KIAA0319L: variants seen among roughly 807,000 people sequenced by gnomAD.
KIAA0319L encodes KIAA0319 like.
KIAA0319L carries 55 observed loss-of-function variants against 120.1 expected under a neutral mutation model. That is an observed-to-expected ratio of 0.46 (90% CI 0.37 to 0.57). The LOEUF (loss-of-function observed/expected upper bound fraction) is 0.57. KIAA0319L is among the 20% of genes least tolerant of loss of function. The pLI is 0.00. For synonymous variants in KIAA0319L, 398 were observed against 471.9 expected (o/e 0.84, Z 2.03); for missense variants, 1,049 against 1,255.3 (o/e 0.84, Z 2.48).
At chr1:35,482,944 G>A (rs767314470) in intron 3 of KIAA0319L, among the ~76,000 whole-genome samples, 1 of 152,066 alleles carries the variant, frequency 6.6e-6, no homozygotes, top group Non-Finnish European at 1.5e-5. Context: ...TTAGCCATTC[G>A]AGGTATGTAG....
chr1:35,475,915 C>T (rs965925669), intron 4 of KIAA0319L, among the ~76,000 whole-genome samples: 6 of 152,216 alleles, frequency 3.9e-5, no homozygotes, highest in South Asian at 2.1e-4. Flanking sequence ...CACAAAGCCA[C>T]GGTCTACTCT....
intron 3 of KIAA0319L, among the ~76,000 whole-genome samples, chr1:35,480,021 T>C (rs1644098097): frequency 7.3e-6 from 1 of 137,346 alleles, no homozygotes; most frequent in Non-Finnish European, 1.5e-5. Flanking sequence ...AGAAAGAGTA[T>C]GGAAAAGAAT....
intron 3 of KIAA0319L, among the ~76,000 whole-genome samples, chr1:35,501,198 T>C (rs2148384912): frequency 6.6e-6 from 1 of 152,292 alleles, no homozygotes; most frequent in East Asian, 1.9e-4. Context: ...AGCCAACACA[T>C]CCTCAGGATC....
chr1:35,522,764 T>C (rs1442314182), intron 2 of KIAA0319L, among the ~76,000 whole-genome samples: 1 of 149,668 alleles, frequency 6.7e-6, no homozygotes, highest in Non-Finnish European at 1.5e-5. Flanking sequence ...ATGCCTGTAA[T>C]CCCAGCACTT....
intron 2 of KIAA0319L, among the ~76,000 whole-genome samples, chr1:35,533,737 A>G (rs1235817752): frequency 1.3e-5 from 2 of 152,250 alleles, no homozygotes; most frequent in Admixed American, 6.5e-5. Flanking sequence ...GTCTCAGCCA[A>G]GATGGCTGCC....
chr1:35,494,579 G>A (rs1338631923), intron 3 of KIAA0319L, among the ~76,000 whole-genome samples: 1 of 151,946 alleles, frequency 6.6e-6, no homozygotes, highest in Non-Finnish European at 1.5e-5. Context: ...TGGATTGCTT[G>A]AGTCCAGGAG....
At chr1:35,529,806 T>A (rs1307622205) in intron 2 of KIAA0319L, among the ~76,000 whole-genome samples, 1 of 152,190 alleles carries the variant, frequency 6.6e-6, no homozygotes, top group Non-Finnish European at 1.5e-5. Context: ...GTTGTATCTG[T>A]TTGGGAATCT....
intron 2 of KIAA0319L, among the ~76,000 whole-genome samples, chr1:35,550,852 C>A (rs1647174404): frequency 6.6e-6 from 1 of 152,060 alleles, no homozygotes; most frequent in African/African-American, 2.4e-5. Context: ...GAGACGTGTG[C>A]CACCACACCC....
chr1:35,455,741 C>T (rs1201461312), intron 10 of KIAA0319L, among the ~76,000 whole-genome samples: 4 of 151,790 alleles, frequency 2.6e-5, no homozygotes, highest in Admixed American at 6.6e-5. Flanking sequence ...CCACTACGCC[C>T]GGCTAATTTT....
At chr1:35,477,471 TC>T (rs1452518847) in intron 4 of KIAA0319L, among the ~76,000 whole-genome samples, 1 of 151,938 alleles carries the variant, frequency 6.6e-6, no homozygotes, top group Admixed American at 6.6e-5. Context: ...ATCGAGACCA[TC>T]CTGGCTAACA....
Position 35,506,405 on chromosome 1 carries a change from G to T in KIAA0319L, c.666+207C>A, listed in dbSNP as rs938835814. On this transcript the variant is annotated intron_variant, in intron 3 of 20. Transcript: ENST00000325722. The surrounding 1 kb of genome is among the most constrained non-coding windows in gnomAD (Gnocchi z 4.0). ...GCTTTCTGCATTTACCAAAACAATG[G>T]TCAGACCTACATAGCATGAACATCT... 4.6e-5 allele frequency among the ~76,000 whole-genome samples: 7 copies of T among 152,238 alleles called. 1 individual carries two copies. Among genetic ancestry groups the T allele is most frequent in the Admixed American group, 3.3e-4 (5 of 15,296 alleles).
intron 4 of KIAA0319L, among the ~76,000 whole-genome samples, chr1:35,476,514 T>C (rs1315778029): frequency 1.3e-5 from 2 of 152,128 alleles, no homozygotes. Flanking sequence ...AACATTGCAC[T>C]TGAGGAGAAA....
At chr1:35,512,142 C>T (rs1219848850) in intron 2 of KIAA0319L, among the ~76,000 whole-genome samples, 1 of 151,902 alleles carries the variant, frequency 6.6e-6, no homozygotes, top group African/African-American at 2.4e-5. Flanking sequence ...TGGTGGCACA[C>T]ATCTGTAATC....
intron 16 of KIAA0319L, among the ~76,000 whole-genome samples, chr1:35,447,283 A>G (rs1357471108): frequency 6.6e-6 from 1 of 151,272 alleles, no homozygotes. Context: ...CCTTGCTTTT[A>G]AAAACAAAAC....
intron 1 of KIAA0319L, among the ~76,000 whole-genome samples, chr1:35,556,223 G>A (rs1648009262): frequency 6.6e-6 from 1 of 152,202 alleles, no homozygotes; most frequent in Non-Finnish European, 1.5e-5. Flanking sequence ...ACTCTCTGTT[G>A]CAGCAGCTGT....
At chr1:35,488,571 G>A (rs548123797) in intron 3 of KIAA0319L, among the ~76,000 whole-genome samples, 2 of 152,302 alleles carry the variant, frequency 1.3e-5, no homozygotes, top group East Asian at 3.9e-4. Flanking sequence ...AGCCATGGGA[G>A]TGGATGAACT....
chr1:35,441,041 C>A lies in KIAA0319L; in HGVS notation c.2962+6G>T, dbSNP rs778144519. ...ACCTAGAAGCTCTGGCACCCAGGGC[C>A]CCTACCTGCTCGGGAGGTTGGCTTC... On this transcript the variant is annotated splice_donor_region_variant and intron_variant, in intron 20 of 20. Coordinates refer to ENST00000325722, the MANE Select transcript of KIAA0319L (RefSeq NM_024874.5). 1 of 1,611,696 alleles carries A rather than the reference C, an allele frequency of 6.2e-7. No homozygotes were observed. Among genetic ancestry groups the A allele is most frequent in the Admixed American group, 1.7e-5 (1 of 60,032 alleles).
intron 2 of KIAA0319L, among the ~76,000 whole-genome samples, chr1:35,519,676 A>C (rs1645830090): frequency 6.6e-6 from 1 of 152,166 alleles, no homozygotes; most frequent in Admixed American, 6.5e-5. Flanking sequence ...TATGTGCTCA[A>C]ACCAGACCAG....
At chr1:35,524,653 C>T (rs1646050205) in intron 2 of KIAA0319L, among the ~76,000 whole-genome samples, 1 of 152,126 alleles carries the variant, frequency 6.6e-6, no homozygotes. Flanking sequence ...TGCCTTATCT[C>T]AAGGGAGTAG....
Sources: allele counts gnomAD v4.1 joint callset (sites outside exome capture counted in the v4.1 genomes callset), GRCh38; gene constraint gnomAD v4.1.1; non-coding constraint Gnocchi (gnomAD v3.1); transcripts MANE v1.5; gene names NCBI Gene and HGNC (gene_info 2026-07-23, HGNC 2026-07-21).